Variants in KCNQ5 observed in about 807,000 individuals in gnomAD.
KCNQ5 encodes potassium voltage-gated channel subfamily KQT member 5.
Under a neutral mutation model 98.2 loss-of-function variants are expected in KCNQ5, and 30 were observed. The observed-to-expected ratio is 0.31, with a 90% CI of 0.23 to 0.41. KCNQ5 has a LOEUF of 0.41. Ranked by LOEUF, KCNQ5 falls within the 10% of genes least tolerant of loss-of-function variation. The pLI is 1.00. For missense variants in KCNQ5, 835 were observed against 1,182.5 expected (o/e 0.71, Z 4.31); for synonymous variants, 458 against 449.4 (o/e 1.02, Z -0.24).
At chr6:72,658,806 CTGAA>C (rs1766354225) in intron 1 of KCNQ5, among the ~76,000 whole-genome samples, 1 of 151,968 alleles carries the variant, frequency 6.6e-6, no homozygotes, top group South Asian at 2.1e-4. Flanking sequence ...TCTCGAACTC[CTGAA>C]CTCAGGTAAT....
intron 1 of KCNQ5, among the ~76,000 whole-genome samples, chr6:72,760,863 TAAG>T (rs2154477014): frequency 6.6e-6 from 1 of 152,136 alleles, no homozygotes; most frequent in East Asian, 1.9e-4. Flanking sequence ...ATGCGTTAGT[TAAG>T]AAAAAAAAGT....
chr6:72,660,118 T>C (rs1403907427), intron 1 of KCNQ5, among the ~76,000 whole-genome samples: 1 of 152,240 alleles, frequency 6.6e-6, no homozygotes, highest in African/African-American at 2.4e-5. Flanking sequence ...ACTGAAGTGT[T>C]ATGAATATTA....
At chr6:72,676,409 A>G (rs1317713815) in intron 1 of KCNQ5, among the ~76,000 whole-genome samples, 1 of 152,220 alleles carries the variant, frequency 6.6e-6, no homozygotes, top group Non-Finnish European at 1.5e-5. Flanking sequence ...TTACTGAGTC[A>G]GAATATGCTC....
intron 2 of KCNQ5, among the ~76,000 whole-genome samples, chr6:73,041,651 C>T (rs565359496): frequency 2.2e-4 from 33 of 152,192 alleles, no homozygotes; most frequent in Admixed American, 1.8e-3. Flanking sequence ...CGAGACAGAT[C>T]CATTATTCAG....
At chr6:73,050,306 G>A (rs1198886593) in intron 3 of KCNQ5, among the ~76,000 whole-genome samples, 2 of 131,660 alleles carry the variant, frequency 1.5e-5, no homozygotes, top group African/African-American at 2.8e-5. Context: ...AAGGAAGGAA[G>A]GAAGGGAGGG....
At chr6:72,673,329 C>T (rs1767236261) in intron 1 of KCNQ5, among the ~76,000 whole-genome samples, 1 of 152,184 alleles carries the variant, frequency 6.6e-6, no homozygotes, top group Admixed American at 6.5e-5. Flanking sequence ...AAGACACACC[C>T]TAAATATATA....
chr6:72,850,694 C>A (rs549582435), intron 1 of KCNQ5, among the ~76,000 whole-genome samples: 3 of 152,132 alleles, frequency 2.0e-5, no homozygotes, highest in Non-Finnish European at 4.4e-5. Flanking sequence ...ATAGCTGGAG[C>A]TTCTCTAAAC....
chr6:72,652,240 CAAA>C (rs66526018), intron 1 of KCNQ5, among the ~76,000 whole-genome samples: 48 of 105,292 alleles, frequency 4.6e-4, no homozygotes, highest in Admixed American at 5.2e-4. Flanking sequence ...GAGGCAGAAG[CAAA>C]AAAAAAAAAA....
chr6:72,653,730 T>C (rs1287109061), intron 1 of KCNQ5, among the ~76,000 whole-genome samples: 2 of 152,068 alleles, frequency 1.3e-5, no homozygotes, highest in Non-Finnish European at 2.9e-5. Flanking sequence ...AAGTAACATT[T>C]TAATATTTTT....
At chr6:72,640,078 A>C (rs552200634) in intron 1 of KCNQ5, among the ~76,000 whole-genome samples, 1 of 152,180 alleles carries the variant, frequency 6.6e-6, no homozygotes, top group Non-Finnish European at 1.5e-5. Flanking sequence ...GTAGAAGGCT[A>C]CCTGGTGTGT....
intron 1 of KCNQ5, among the ~76,000 whole-genome samples, chr6:72,803,044 C>T (rs1218846722): frequency 1.3e-5 from 2 of 152,052 alleles, no homozygotes; most frequent in Non-Finnish European, 2.9e-5. Flanking sequence ...AGAGATTGCA[C>T]CAGGACATTT....
At chr6:72,946,821 T>C (rs1436604885) in intron 1 of KCNQ5, among the ~76,000 whole-genome samples, 1 of 152,224 alleles carries the variant, frequency 6.6e-6, no homozygotes, top group African/African-American at 2.4e-5. Context: ...AATATTTATC[T>C]CATTTACAAC....
chr6:73,040,157 A>C (rs1256561127), intron 2 of KCNQ5, among the ~76,000 whole-genome samples: 3 of 149,556 alleles, frequency 2.0e-5, no homozygotes, highest in South Asian at 4.3e-4. Flanking sequence ...AACAATGGGC[A>C]TATATCTGTC....
At chr6:72,925,012 C>T (rs1003647742) in intron 1 of KCNQ5, among the ~76,000 whole-genome samples, 2 of 152,054 alleles carry the variant, frequency 1.3e-5, no homozygotes, top group African/African-American at 4.8e-5. Context: ...TTCTGAAAAA[C>T]ATCCTAAGAT....
At chr6:72,889,162 G>C (rs1469040809) in intron 1 of KCNQ5, among the ~76,000 whole-genome samples, 2 of 152,192 alleles carry the variant, frequency 1.3e-5, no homozygotes, top group Non-Finnish European at 2.9e-5. Context: ...GGACTTGAAT[G>C]CAGTAAGGAA....
intron 1 of KCNQ5, among the ~76,000 whole-genome samples, chr6:72,943,211 G>A (rs1178614203): frequency 9.9e-5 from 15 of 151,988 alleles, no homozygotes; most frequent in Admixed American, 7.9e-4. Flanking sequence ...AAAGATGATC[G>A]TGCCCTTCCT....
intron 1 of KCNQ5, among the ~76,000 whole-genome samples, chr6:72,709,447 C>T (rs2154474975): frequency 6.6e-6 from 1 of 152,278 alleles, no homozygotes; most frequent in Non-Finnish European, 1.5e-5. Context: ...CTGTAATTTA[C>T]ATAACACTCT....
At chr6:72,690,973 C>T (rs940713462) in intron 1 of KCNQ5, among the ~76,000 whole-genome samples, 9 of 151,952 alleles carry the variant, frequency 5.9e-5, no homozygotes, top group Admixed American at 4.6e-4. Flanking sequence ...TATCAGAAAA[C>T]AATTCAAAAT....
intron 1 of KCNQ5, among the ~76,000 whole-genome samples, chr6:72,661,564 C>T (rs1237807031): frequency 6.6e-6 from 1 of 151,996 alleles, no homozygotes; most frequent in Non-Finnish European, 1.5e-5. Flanking sequence ...TCCATTTATT[C>T]AGCCTGACTT....
Sources: allele counts gnomAD v4.1 joint callset (sites outside exome capture counted in the v4.1 genomes callset), GRCh38; gene constraint gnomAD v4.1.1; transcripts MANE v1.5; gene names NCBI Gene and HGNC (gene_info 2026-07-23, HGNC 2026-07-21).